The following RYK variants were observed in gnomAD, a reference collection of about 807,000 sequenced individuals.
RYK encodes receptor like tyrosine kinase, also known as inactive tyrosine-protein kinase RYK.
RYK carries 21 observed loss-of-function variants against 70.2 expected under a neutral mutation model. That is an observed-to-expected ratio of 0.30 (90% confidence interval 0.21 to 0.43). The LOEUF (loss-of-function observed/expected upper bound fraction) is 0.43. Ranked by LOEUF, RYK falls within the 20% of genes least tolerant of loss-of-function variation. RYK has a pLI of 1.00. For missense variants in RYK, 604 were observed against 753.3 expected (o/e 0.80, Z 2.32); for synonymous variants, 267 against 278.0 (o/e 0.96, Z 0.39).
chr3:134,196,666 T>A (rs1022346455), intron 6 of RYK, among the ~76,000 whole-genome samples: 1 of 151,354 alleles, frequency 6.6e-6, no homozygotes, highest in Non-Finnish European at 1.5e-5. Flanking sequence ...ATATGAATGT[T>A]TATCAATTTC....
chr3:134,158,312 T>C (rs1391263502), intron 14 of RYK, 48 bp from the exon 15 acceptor site: 4 of 1,253,730 alleles, frequency 3.2e-6, no homozygotes, highest in Non-Finnish European at 4.4e-6. Context: ...GATACAGTAT[T>C]CATAACTTTT....
intron 1 of RYK, among the ~76,000 whole-genome samples, chr3:134,228,083 G>T (rs571560505): frequency 1.3e-5 from 2 of 152,340 alleles, no homozygotes; most frequent in African/African-American, 2.4e-5. Flanking sequence ...AGGCCCAGAA[G>T]TATGAGACCA....
chr3:134,168,049 T>C lies in RYK; in HGVS notation c.1575+7560A>G, dbSNP rs532462144. On this transcript the variant is annotated intron_variant, in intron 13 of 14. Coordinates refer to ENST00000623711, the MANE Select transcript of RYK (RefSeq NM_002958.4). ...TCATCATCACTGGCCATCAGAGAAA[T>C]GCAAATCAAAACCACAATGAGATAC... Among the ~76,000 whole-genome samples the C allele has an allele frequency of 1.3e-5, 2 of 152,164 alleles. 1 individual carries two copies. Among genetic ancestry groups the C allele is most frequent in the African/African-American group, 4.8e-5 (2 of 41,490 alleles).
At chr3:134,202,657 G>C in intron 6 of RYK, 73 bp downstream of exon 6, 5 of 1,337,840 alleles carry the variant, frequency 3.7e-6, no homozygotes, top group Non-Finnish European at 5.2e-6. Flanking sequence ...ACTGTGCATC[G>C]ATGTGTATGG....
chr3:134,211,469 A>G, intron 3 of RYK, 39 bp downstream of exon 3: 1 of 1,470,708 alleles, frequency 6.8e-7, no homozygotes, highest in Non-Finnish European at 9.4e-7. Context: ...ATGCAGTTGA[A>G]AAAGTATGTT....
At chr3:134,191,794 C>T (rs2013647951) in intron 8 of RYK, 55 bp downstream of exon 8, 1 of 1,437,430 alleles carries the variant, frequency 7.0e-7, no homozygotes, top group East Asian at 2.4e-5. Context: ...AAAAAAGTGT[C>T]TATAGTGGTA....
At chr3:134,201,027 C>A (rs2013997134) in intron 6 of RYK, among the ~76,000 whole-genome samples, 1 of 152,212 alleles carries the variant, frequency 6.6e-6, no homozygotes, top group Admixed American at 6.5e-5. Flanking sequence ...TGCAAGCATT[C>A]AAGGAAAACG....
intron 6 of RYK, 63 bp downstream of exon 6, chr3:134,202,667 G>A: frequency 2.1e-6 from 3 of 1,455,934 alleles, no homozygotes; most frequent in Non-Finnish European, 2.9e-6. Context: ...GATGTGTATG[G>A]GCTCCCACAT....
At chr3:134,204,735 A>T (rs933927543) in intron 5 of RYK, among the ~76,000 whole-genome samples, 1 of 152,140 alleles carries the variant, frequency 6.6e-6, no homozygotes, top group Non-Finnish European at 1.5e-5. Context: ...GATTCATGAA[A>T]GATTTGATCA....
In RYK at chr3:134,182,995, C is replaced by A; in HGVS notation, c.1172+7G>T. ...AACACTGAAATGCTGGTGGTTTCTC[C>A]TCTCACCTGTGATGAAGACCTCGCA... On this transcript the variant is annotated splice_region_variant and intron_variant, in intron 10 of 14. Transcript: ENST00000623711. 1 of 1,567,400 alleles carries A rather than the reference C, an allele frequency of 6.4e-7. No homozygotes were observed. Among genetic ancestry groups the A allele is most frequent in the Non-Finnish European group, 8.7e-7 (1 of 1,152,666 alleles).
chr3:134,242,449 C>G (rs1416711371), intron 1 of RYK, among the ~76,000 whole-genome samples: 1 of 152,120 alleles, frequency 6.6e-6, no homozygotes, highest in Non-Finnish European at 1.5e-5. Flanking sequence ...TTTAAGAGGA[C>G]CTTCACAAAT....
intron 11 of RYK, 86 bp from the exon 12 acceptor site, chr3:134,176,125 C>A: frequency 3.7e-6 from 3 of 807,126 alleles, no homozygotes; most frequent in South Asian, 1.6e-5. Context: ...CAATCCTACT[C>A]CATCCAAAAA....
chr3:134,246,660 T>G (rs1349652511), intron 1 of RYK, among the ~76,000 whole-genome samples: 1 of 152,160 alleles, frequency 6.6e-6, no homozygotes, highest in East Asian at 1.9e-4. Flanking sequence ...TACTTAATAT[T>G]TTAAATTCAG....
At chr3:134,195,516 C>T (rs557816242) in intron 6 of RYK, among the ~76,000 whole-genome samples, 1 of 152,278 alleles carries the variant, frequency 6.6e-6, no homozygotes, top group South Asian at 2.1e-4. Flanking sequence ...AAAAAAAGAG[C>T]CCATGTCATT....
At chr3:134,186,669 C>T (rs1055739111) in intron 9 of RYK, among the ~76,000 whole-genome samples, 6 of 152,130 alleles carry the variant, frequency 3.9e-5, no homozygotes, top group Non-Finnish European at 5.9e-5. Context: ...CAAGCATATA[C>T]GGAAAGAGAA....
chr3:134,193,983 T>C (rs2013733081), intron 7 of RYK, among the ~76,000 whole-genome samples: 1 of 152,214 alleles, frequency 6.6e-6, no homozygotes. Context: ...CTTTTAGTAA[T>C]GCTGAGTTCA....
At chr3:134,234,067 T>C (rs578205159) in intron 1 of RYK, among the ~76,000 whole-genome samples, 3 of 152,284 alleles carry the variant, frequency 2.0e-5, no homozygotes, top group East Asian at 3.9e-4. Context: ...ATTTTTATTA[T>C]ATGCTTTTAT....
Position 134,250,633 on chromosome 3 carries a change from C to G in RYK, c.22G>C (p.Gly8Arg), listed in dbSNP as rs1289705971. 3.0e-6 allele frequency: 3 copies of G among 987,012 alleles called. No individual in the cohort carries two copies. In the East Asian group the frequency reaches 3.3e-4, roughly 109 times the overall value. The allele number at this position is 987,012 out of a possible 1,614,324, so 61.1% of individuals were successfully genotyped here. A position where few individuals can be genotyped will look rare whatever the true frequency, so the allele number is the denominator to read the frequency against. Residue 8 changes from glycine (G) to arginine (R), a missense_variant, in exon 1 of 15, where the codon GGG (glycine) becomes CGG (arginine). Around this residue, in one of 2 missense-constraint regions of RYK, gnomAD observed 466 missense variants for 535.9 expected, o/e 0.87. Coordinates refer to ENST00000623711, the MANE Select transcript of RYK (RefSeq NM_002958.4). MRGAARL[G>R]RPGRSCLPGA... ...GGGAGGCAACTCCGGCCCGGCCGCC[C>G]CAGCCGCGCCGCCCCACGCATGGCC...
At chr3:134,220,822 T>G (rs568733280) in intron 2 of RYK, among the ~76,000 whole-genome samples, 1 of 152,340 alleles carries the variant, frequency 6.6e-6, no homozygotes, top group East Asian at 1.9e-4. Context: ...CCAATTGTTT[T>G]CATCATCCCA....
Sources: gnomAD v4.1 joint callset for allele counts (sites outside exome capture counted in the v4.1 genomes callset) on GRCh38, gnomAD v4.1.1 for gene constraint, gnomAD v4.1.1 regional missense constraint, MANE v1.5 for transcripts, NCBI Gene and HGNC (gene_info 2026-07-23, HGNC 2026-07-21) for gene names.